The following ZNF469 variants were observed in gnomAD, a reference collection of about 807,000 sequenced individuals.
ZNF469 encodes zinc finger protein 469.
In ZNF469, 1 loss-of-function variant was observed where a neutral mutation model predicts 1.0. That is an observed-to-expected ratio of 1.00 (90% CI 0.35 to 4.73). The LOEUF is 4.73. Among genes scored for constraint, ZNF469 ranks in the 30% most tolerant of loss-of-function variants. The pLI is 0.16. For synonymous variants in ZNF469, 2,703 were observed against 2,363.4 expected (o/e 1.14, Z -4.17); for missense variants, 6,100 against 5,356.3 (o/e 1.14, Z -4.33).
At chr16:88,270,692 C>T in the ZNF469 span, among the ~76,000 whole-genome samples, 1 of 152,228 alleles carries the variant, frequency 6.6e-6, no homozygotes, top group Non-Finnish European at 1.5e-5. Context: ...CTCCAGGCTG[C>T]TTTCCTCTGC....
intron 1 of ZNF469, among the ~76,000 whole-genome samples, chr16:88,416,963 CAG>C (rs1905318413): frequency 6.6e-6 from 1 of 152,250 alleles, no homozygotes; most frequent in African/African-American, 2.4e-5. Flanking sequence ...CCCACACACT[CAG>C]GGCGTCCTCC....
chr16:88,391,867 A>G (rs1036344401), intron 1 of ZNF469, among the ~76,000 whole-genome samples: 2 of 152,358 alleles, frequency 1.3e-5, no homozygotes, highest in Non-Finnish European at 1.5e-5. Flanking sequence ...AGAGCTCACC[A>G]ATAGAAATAG....
the ZNF469 span, among the ~76,000 whole-genome samples, chr16:88,348,059 G>A: frequency 6.6e-6 from 1 of 152,248 alleles, no homozygotes. Context: ...GTCGTGGTGG[G>A]CCAGGGACAG....
the ZNF469 span, among the ~76,000 whole-genome samples, chr16:88,333,880 T>G: frequency 0.084 from 9,706 of 115,028 alleles, 436 homozygotes; most frequent in South Asian, 0.21. Context: ...GTGTGTGTGT[T>G]TGTGTGTCTG....
At chr16:88,380,237 TCA>T (rs1162362643), upstream of ZNF469, among the ~76,000 whole-genome samples, 2 of 93,592 alleles carry the variant, frequency 2.1e-5, no homozygotes, top group East Asian at 3.4e-4. Context: ...AGACATGCAC[TCA>T]CACACAAATG....
the ZNF469 span, among the ~76,000 whole-genome samples, chr16:88,179,963 A>G: frequency 1.3e-5 from 2 of 152,250 alleles, no homozygotes; most frequent in African/African-American, 4.8e-5. Context: ...CTACAGCTGT[A>G]ACTTTATCAT....
the ZNF469 span, among the ~76,000 whole-genome samples, chr16:88,333,639 G>A: frequency 6.6e-6 from 1 of 152,200 alleles, no homozygotes; most frequent in Non-Finnish European, 1.5e-5. Context: ...GCAAAGGTGG[G>A]GCATGAAGGC....
At chr16:88,241,417 G>C in the ZNF469 span, among the ~76,000 whole-genome samples, 983 of 152,066 alleles carry the variant, frequency 6.5e-3, 8 homozygotes, top group Middle Eastern at 0.01. The surrounding 1 kb of genome is among the most constrained non-coding windows in gnomAD (Gnocchi z 4.8). Context: ...GACCTGTAAG[G>C]CTCAAGAGAA....
At chr16:88,118,900 T>A in the ZNF469 span, among the ~76,000 whole-genome samples, 1 of 152,182 alleles carries the variant, frequency 6.6e-6, no homozygotes, top group Non-Finnish European at 1.5e-5. Flanking sequence ...TATCCCCAGG[T>A]GGTCATCGGC....
At chr16:88,210,878 C>T in the ZNF469 span, among the ~76,000 whole-genome samples, 2 of 152,236 alleles carry the variant, frequency 1.3e-5, no homozygotes, top group Non-Finnish European at 2.9e-5. Context: ...CCCCACCAGC[C>T]CCCACTGTGC....
the ZNF469 span, among the ~76,000 whole-genome samples, chr16:88,221,635 C>T: frequency 6.6e-6 from 1 of 152,360 alleles, no homozygotes; most frequent in Admixed American, 6.5e-5. Context: ...CAGTGAGAGC[C>T]CCCGTCATGC....
At chr16:88,356,712 C>T in the ZNF469 span, among the ~76,000 whole-genome samples, 5 of 152,168 alleles carry the variant, frequency 3.3e-5, no homozygotes, top group East Asian at 1.9e-4. Flanking sequence ...CCAGGGTTTC[C>T]GTCGTTCCGT....
chr16:88,398,301 G>A (rs12934637), intron 1 of ZNF469, among the ~76,000 whole-genome samples: 1 of 152,036 alleles, frequency 6.6e-6, no homozygotes, highest in Non-Finnish European at 1.5e-5. Context: ...GATGAAGGGC[G>A]ACGTGAGTCA....
At chr16:88,415,498 C>T (rs951911225) in intron 1 of ZNF469, among the ~76,000 whole-genome samples, 3 of 152,250 alleles carry the variant, frequency 2.0e-5, no homozygotes, top group African/African-American at 7.2e-5. Flanking sequence ...GCTGAACACA[C>T]TGAGACTGAG....
chr16:88,348,687 C>T, the ZNF469 span, among the ~76,000 whole-genome samples: 2 of 152,222 alleles, frequency 1.3e-5, no homozygotes, highest in Admixed American at 6.5e-5. Flanking sequence ...ACGTGGGGAC[C>T]TCCTGAGGTG....
At position 88,435,282 on chromosome 16, in the gene ZNF469, CA is replaced by C; in HGVS notation, c.7815del (p.Lys2605AsnfsTer34). ...DQAREDELHP[K>X]QAEKREGRRW... ...AGGCCAGGGAAGATGAGCTGCATCC[CA>C]AACAGGCAGAAAAAAGAGAAGGCCG... is the stretch of plus-strand genomic sequence containing the variant. On this transcript the variant is annotated frameshift_variant, in exon 3 of 3. Coordinates refer to ENST00000565624, the MANE Select transcript of ZNF469 (RefSeq NM_001367624.2). LOFTEE classifies it low-confidence loss of function (END_TRUNC). 1 of 1,550,374 alleles carries C rather than the reference CA, an allele frequency of 6.5e-7. No individual in the cohort carries two copies. The highest frequency in any genetic ancestry group is 8.7e-7 in the Non-Finnish European group (1 of 1,146,992).
chr16:88,275,430 C>T, the ZNF469 span, among the ~76,000 whole-genome samples: 7 of 152,188 alleles, frequency 4.6e-5, no homozygotes, highest in South Asian at 2.1e-4. Flanking sequence ...GCTGGGGTGA[C>T]GGGTGCTGAG....
In ZNF469 at chr16:88,430,690, T is replaced by A. The variant is rs1458634118; in HGVS notation, c.3220T>A (p.Ser1074Thr). 2.8e-5 allele frequency: 42 copies of A among 1,485,620 alleles called. No individual in the cohort carries two copies. Among genetic ancestry groups the A allele is most frequent in the Non-Finnish European group, 3.4e-5 (38 of 1,126,904 alleles). The allele number at this position is 1,485,620 out of a possible 1,614,324, so 92.0% of individuals were successfully genotyped here. Residue 1074 changes from serine (S) to threonine (T), a missense_variant, in exon 3 of 3, where the codon TCC (serine) becomes ACC (threonine). By Grantham distance (58) the Ser-to-Thr change is moderately conservative (BLOSUM62 1). Transcript: ENST00000565624. ...GGGGCGGCGGGCGGGCAGGTGCGGC[T>A]CCCTGGCGGCGGGGAGGCCCCGGCC... is the stretch of plus-strand genomic sequence containing the variant. Reference protein sequence around the residue: ...RLGRRAGRCGSLAAGRPRPGA... With the variant: ...RLGRRAGRCGTLAAGRPRPGA...
chr16:88,432,757 G>C lies in ZNF469; in HGVS notation c.5287G>C (p.Asp1763His). 2 of 1,550,420 alleles carry C rather than the reference G, an allele frequency of 1.3e-6. No homozygotes were observed. Among genetic ancestry groups the C allele is most frequent in the Non-Finnish European group, 1.7e-6 (2 of 1,147,002 alleles). ...KEAASSQESE[D>H]SLRLLPCEQR... is the part of the protein sequence containing the mutation. Reference sequence around the variant, plus strand: ...GGCCGCCAGCTCACAAGAAAGTGAAGACTCCCTGCGGCTGCTTCCCTGTGA... The same window carrying C: ...GGCCGCCAGCTCACAAGAAAGTGAACACTCCCTGCGGCTGCTTCCCTGTGA... Residue 1763 changes from aspartate to histidine, a missense_variant, in exon 3 of 3, where the codon GAC becomes CAC. By Grantham distance (81) the Asp-to-His change is moderately conservative. Coordinates refer to ENST00000565624, the MANE Select transcript of ZNF469 (RefSeq NM_001367624.2).
Sources: allele counts gnomAD v4.1 joint callset (sites outside exome capture counted in the v4.1 genomes callset), GRCh38; gene constraint gnomAD v4.1.1; non-coding constraint Gnocchi (gnomAD v3.1); transcripts MANE v1.5; gene names NCBI Gene and HGNC (gene_info 2026-07-23, HGNC 2026-07-21).